ST6GALNAC3: variants seen among roughly 807,000 people sequenced by gnomAD.
The protein encoded by ST6GALNAC3 is ST6 N-acetylgalactosaminide alpha-2,6-sialyltransferase 3.
In ST6GALNAC3, 25 loss-of-function variants were observed where a neutral mutation model predicts 32.7. The ratio of observed to expected loss-of-function variants is 0.76; its 90% CI spans 0.56 to 1.07. The LOEUF (loss-of-function observed/expected upper bound fraction) is 1.07. Among genes scored for constraint, ST6GALNAC3 ranks in the 50% least tolerant of loss-of-function variants. ST6GALNAC3 has a pLI of 0.00. For synonymous variants in ST6GALNAC3, 129 were observed against 133.1 expected, an observed-to-expected ratio of 0.97 and a Z score of 0.21; for missense variants, 355 against 382.4, an observed-to-expected ratio of 0.93 and a Z score of 0.60.
intron 2 of ST6GALNAC3, among the ~76,000 whole-genome samples, chr1:76,322,212 T>TA (rs1183652687): frequency 6.6e-6 from 1 of 152,188 alleles, no homozygotes; most frequent in African/African-American, 2.4e-5. Context: ...TGTCCTGATG[T>TA]AGAGAGTTTT....
At chr1:76,458,859 A>T (rs944360641) in intron 3 of ST6GALNAC3, among the ~76,000 whole-genome samples, 3 of 152,060 alleles carry the variant, frequency 2.0e-5, no homozygotes, top group Non-Finnish European at 4.4e-5. Context: ...CATTGTGCAC[A>T]TGTACCCTAA....
At chr1:76,429,824 C>T (rs908505425) in intron 3 of ST6GALNAC3, among the ~76,000 whole-genome samples, 1 of 152,132 alleles carries the variant, frequency 6.6e-6, no homozygotes, top group African/African-American at 2.4e-5. Flanking sequence ...AATTGGCAAA[C>T]TCAGTCACTT....
intron 1 of ST6GALNAC3, among the ~76,000 whole-genome samples, chr1:76,197,147 C>G (rs1401006167): frequency 6.6e-6 from 1 of 152,202 alleles, no homozygotes; most frequent in African/African-American, 2.4e-5. Flanking sequence ...CACAGGCCAT[C>G]ATTGCCACTT....
chr1:76,126,338 A>G (rs1393495036), intron 1 of ST6GALNAC3, among the ~76,000 whole-genome samples: 1 of 152,128 alleles, frequency 6.6e-6, no homozygotes. Flanking sequence ...ATTAGTAACC[A>G]TAAAACTTGG....
chr1:76,307,697 G>T (rs1661143525), intron 1 of ST6GALNAC3, among the ~76,000 whole-genome samples: 1 of 152,030 alleles, frequency 6.6e-6, no homozygotes. Flanking sequence ...TTAGGAAAAA[G>T]AAAACAAAAA....
chr1:76,089,327 A>C (rs1198000626), intron 1 of ST6GALNAC3, among the ~76,000 whole-genome samples: 1 of 152,282 alleles, frequency 6.6e-6, no homozygotes, highest in East Asian at 1.9e-4. Context: ...CTGGGATTAC[A>C]GGCATAAGCC....
At chr1:76,459,598 C>T (rs1391846761) in intron 3 of ST6GALNAC3, among the ~76,000 whole-genome samples, 2 of 151,482 alleles carry the variant, frequency 1.3e-5, no homozygotes, top group Non-Finnish European at 2.9e-5. Flanking sequence ...TGACTATGGG[C>T]TGTTGAGGGA....
intron 1 of ST6GALNAC3, among the ~76,000 whole-genome samples, chr1:76,098,682 T>G (rs1296036830): frequency 6.6e-6 from 1 of 152,144 alleles, no homozygotes; most frequent in Non-Finnish European, 1.5e-5. Context: ...AATATATATT[T>G]TCCAATCATA....
intron 3 of ST6GALNAC3, among the ~76,000 whole-genome samples, chr1:76,540,159 T>C (rs1239635752): frequency 6.6e-6 from 1 of 152,194 alleles, no homozygotes; most frequent in Non-Finnish European, 1.5e-5. Context: ...ATATACACTA[T>C]GGAATACTAT....
At chr1:76,485,078 G>T (rs1302299303) in intron 3 of ST6GALNAC3, among the ~76,000 whole-genome samples, 1 of 152,174 alleles carries the variant, frequency 6.6e-6, no homozygotes, top group Non-Finnish European at 1.5e-5. Flanking sequence ...AAGCCCACTT[G>T]ATCATGGTGG....
At chr1:76,200,784 C>T (rs1202010440) in intron 1 of ST6GALNAC3, among the ~76,000 whole-genome samples, 1 of 151,940 alleles carries the variant, frequency 6.6e-6, no homozygotes, top group Non-Finnish European at 1.5e-5. Flanking sequence ...CTGATTGGTT[C>T]CAGGTCTAGG....
At chr1:76,459,609 G>GTAGCTTAT (rs1658140826) in intron 3 of ST6GALNAC3, among the ~76,000 whole-genome samples, 1 of 151,920 alleles carries the variant, frequency 6.6e-6, no homozygotes, top group Non-Finnish European at 1.5e-5. Context: ...TGTTGAGGGA[G>GTAGCTTAT]TAGCTTATTA....
chr1:76,525,810 T>TATATAC (rs1662871133), intron 3 of ST6GALNAC3, among the ~76,000 whole-genome samples: 1 of 126,848 alleles, frequency 7.9e-6, no homozygotes, highest in Non-Finnish European at 1.7e-5. Flanking sequence ...TATATATATA[T>TATATAC]ATATATATAT....
At chr1:76,615,035 CTT>C (rs1193080978) in intron 3 of ST6GALNAC3, among the ~76,000 whole-genome samples, 2 of 151,940 alleles carry the variant, frequency 1.3e-5, no homozygotes, top group Non-Finnish European at 2.9e-5. Flanking sequence ...AGATTTTTGT[CTT>C]TTGACAGTAA....
At chr1:76,232,855 A>G (rs1046878728) in intron 1 of ST6GALNAC3, among the ~76,000 whole-genome samples, 2 of 152,182 alleles carry the variant, frequency 1.3e-5, no homozygotes, top group African/African-American at 4.8e-5. Flanking sequence ...GATGGAGATG[A>G]GCCACTGTCA....
chr1:76,074,832 C>T lies in ST6GALNAC3; in HGVS notation c.-35C>T. 1 of 1,574,192 alleles carries T rather than the reference C, an allele frequency of 6.4e-7. No individual in the cohort carries two copies. The highest frequency in any genetic ancestry group is 8.6e-7 in the Non-Finnish European group (1 of 1,160,126). ...AGGACTGCCCCTGACCCAGGCGCGC[C>T]CGCTGCTCGGTGGCAGGAGGGCCGG... On this transcript the variant is annotated 5_prime_UTR_variant, in exon 1 of 5. Transcript: ENST00000328299.
At position 76,211,931 on chromosome 1, in the gene ST6GALNAC3, A is replaced by G. The variant is rs531033472; in HGVS notation, c.19-101874A>G. 2.6e-5 allele frequency among the ~76,000 whole-genome samples: 4 copies of G among 152,322 alleles called. No homozygotes were observed. In the East Asian group the frequency reaches 7.7e-4, roughly 29 times the overall value. On this transcript the variant is annotated intron_variant, in intron 1 of 4. Coordinates refer to ENST00000328299, the MANE Select transcript of ST6GALNAC3 (RefSeq NM_152996.4). The stretch of plus-strand genomic sequence containing the variant: ...GCACATGTACCCTAAAACTTAAAGT[A>G]TAATAAAGAATAAAAATAAAATAAA...
rs1027511856 is a variant in ST6GALNAC3, at chr1:76,224,050, G to A, written c.19-89755G>A. On this transcript the variant is annotated intron_variant, in intron 1 of 4. Transcript: ENST00000328299. ...CTAGCTTTACATGCAGCCACCAGCC[G>A]TGACGTGAGACTCACCCCACACTGA... Among the ~76,000 whole-genome samples the A allele has an allele frequency of 2.6e-5, 4 of 152,086 alleles. No individual in the cohort carries two copies. In the East Asian group the frequency reaches 5.8e-4, roughly 22 times the overall value.
intron 3 of ST6GALNAC3, among the ~76,000 whole-genome samples, chr1:76,566,849 C>T (rs775804381): frequency 6.6e-6 from 1 of 152,122 alleles, no homozygotes; most frequent in Admixed American, 6.5e-5. Context: ...TAGAATAATA[C>T]CTGGCACAAA....
Sources: allele counts gnomAD v4.1 joint callset (sites outside exome capture counted in the v4.1 genomes callset), GRCh38; gene constraint gnomAD v4.1.1; transcripts MANE v1.5; gene names NCBI Gene and HGNC (gene_info 2026-07-23, HGNC 2026-07-21).